UNC13C: variants seen among roughly 807,000 people sequenced by gnomAD.
The protein encoded by UNC13C is protein unc-13 homolog C.
Under a neutral mutation model 245.4 loss-of-function variants are expected in UNC13C, and 174 were observed. That is an observed-to-expected ratio of 0.71 (90% CI 0.63 to 0.80). The LOEUF is 0.80. Among genes scored for constraint, UNC13C ranks in the 30% least tolerant of loss-of-function variants. UNC13C has a pLI of 0.00. For missense variants in UNC13C, 2,829 were observed against 2,602.9 expected (o/e 1.09, Z -1.89); for synonymous variants, 992 against 895.1 (o/e 1.11, Z -1.93).
chr15:54,040,982 G>C lies in UNC13C; in HGVS notation c.2983+25096G>C, dbSNP rs1181358370. Among the ~76,000 whole-genome samples, 3 of 152,118 alleles carry C rather than the reference G, an allele frequency of 2.0e-5. No individual in the cohort carries two copies. In the East Asian group the frequency reaches 5.8e-4, roughly 29 times the overall value. ...CCCCTCACTCTGCTCTGTTCTCTTT[G>C]TAATTGCACTTAGCCTTTGAATTCA... On this transcript the variant is annotated intron_variant, in intron 2 of 32. Coordinates refer to ENST00000260323, the MANE Select transcript of UNC13C (RefSeq NM_001080534.3).
At position 54,059,726 on chromosome 15, in the gene UNC13C, G is replaced by T. The variant is rs151284419; in HGVS notation, c.2983+43840G>T. ...ACCTGACTTCAAACTATACTGCAAGGCTACAGTAATCAAAACAGCATGGTA... is the reference window on the plus strand; with the variant it reads ...ACCTGACTTCAAACTATACTGCAAGTCTACAGTAATCAAAACAGCATGGTA... On this transcript the variant is annotated intron_variant, in intron 2 of 32. Transcript: ENST00000260323. Among the ~76,000 whole-genome samples the T allele has an allele frequency of 3.7e-3, 562 of 152,188 alleles. 6 individuals are homozygous for T. The highest frequency in any genetic ancestry group is 0.013 in the African/African-American group (551 of 41,532).
At chr15:54,020,486 T>C (rs568951631) in intron 2 of UNC13C, among the ~76,000 whole-genome samples, 66 of 144,628 alleles carry the variant, frequency 4.6e-4, no homozygotes, top group Middle Eastern at 3.5e-3. Context: ...AGTTTCACCA[T>C]ATTATCCAGG....
chr15:54,061,718 A>G (rs1897844987), intron 2 of UNC13C, among the ~76,000 whole-genome samples: 1 of 152,104 alleles, frequency 6.6e-6, no homozygotes, highest in Non-Finnish European at 1.5e-5. Context: ...ATTCTATAAA[A>G]CCTTTTCGTG....
At chr15:54,246,123 G>A (rs770123276) in intron 7 of UNC13C, among the ~76,000 whole-genome samples, 4 of 152,156 alleles carry the variant, frequency 2.6e-5, no homozygotes, top group African/African-American at 7.2e-5. Context: ...TCTTCAGGTA[G>A]TAATCAATAG....
At chr15:54,346,209 C>A (rs745953387) in intron 17 of UNC13C, among the ~76,000 whole-genome samples, 1 of 151,794 alleles carries the variant, frequency 6.6e-6, no homozygotes, top group Admixed American at 6.6e-5. Context: ...GGTTGATAAA[C>A]GAAGTAATTA....
intron 16 of UNC13C, 76 bp downstream of exon 16, chr15:54,333,932 C>A: frequency 1.8e-6 from 2 of 1,088,638 alleles, no homozygotes; most frequent in Non-Finnish European, 2.7e-6. Context: ...CTTGCTTTAC[C>A]CTCCTCTTGA....
At chr15:53,923,722 C>T in the UNC13C span, among the ~76,000 whole-genome samples, 1 of 152,088 alleles carries the variant, frequency 6.6e-6, no homozygotes, top group South Asian at 2.1e-4. Context: ...GTGCTTCTTC[C>T]TTGGAATGGA....
the UNC13C span, among the ~76,000 whole-genome samples, chr15:53,901,376 T>C: frequency 6.6e-6 from 1 of 151,340 alleles, no homozygotes; most frequent in Non-Finnish European, 1.5e-5. Context: ...CCTGACACCA[T>C]GCCTAGCTAT....
chr15:53,892,832 G>C, the UNC13C span, among the ~76,000 whole-genome samples: 1 of 152,052 alleles, frequency 6.6e-6, no homozygotes, highest in African/African-American at 2.4e-5. Flanking sequence ...CTTTAGCTCA[G>C]AGGAGTTTGT....
In UNC13C at chr15:54,153,365, C is replaced by T. The variant is rs1315327475; in HGVS notation, c.3071+9681C>T. 3.3e-5 allele frequency among the ~76,000 whole-genome samples: 5 copies of T among 151,836 alleles called. 1 individual carries two copies. Among genetic ancestry groups the T allele is most frequent in the Admixed American group, 3.3e-4 (5 of 15,272 alleles). ...TTTGAAATATTGTAATATAACAGAC[C>T]CATATCTGAGCATTCTTTAGCATTA... On this transcript the variant is annotated intron_variant, in intron 4 of 32. Transcript: ENST00000260323.
At chr15:54,341,608 C>CAA (rs113165230) in intron 17 of UNC13C, among the ~76,000 whole-genome samples, 2 of 151,800 alleles carry the variant, frequency 1.3e-5, no homozygotes, top group Non-Finnish European at 2.9e-5. Context: ...TTCAGGAATA[C>CAA]AAAAAAATAT....
At position 54,101,716 on chromosome 15, in the gene UNC13C, G is replaced by A. The variant is rs537927725; in HGVS notation, c.2984-41302G>A. Among the ~76,000 whole-genome samples, 4 of 152,100 alleles carry A rather than the reference G, an allele frequency of 2.6e-5. No homozygotes were observed. The South Asian group carries it at 8.3e-4, about 32-fold the overall frequency. On this transcript the variant is annotated intron_variant, in intron 2 of 32. Transcript: ENST00000260323. ...CTGCTTCAGCCTCCTGAGTAGCTGG[G>A]ATTACAGGCAAGGCACGCACCACCG...
chr15:54,173,687 G>A (rs1054478648), intron 4 of UNC13C, among the ~76,000 whole-genome samples: 5 of 152,166 alleles, frequency 3.3e-5, no homozygotes, highest in African/African-American at 1.2e-4. Flanking sequence ...TTTCCAAAGT[G>A]TATGGGTTTT....
intron 30 of UNC13C, among the ~76,000 whole-genome samples, chr15:54,584,771 C>T (rs1898400594): frequency 6.6e-6 from 1 of 152,174 alleles, no homozygotes; most frequent in African/African-American, 2.4e-5. Flanking sequence ...CTCTCAGTGA[C>T]CCTATAAGGA....
intron 2 of UNC13C, among the ~76,000 whole-genome samples, chr15:54,116,901 T>C (rs752103324): frequency 6.6e-6 from 1 of 152,174 alleles, no homozygotes; most frequent in Non-Finnish European, 1.5e-5. Context: ...CAGTGTATGA[T>C]GGTTCCCCTT....
intron 4 of UNC13C, among the ~76,000 whole-genome samples, chr15:54,233,681 T>A (rs1376616570): frequency 6.6e-6 from 1 of 152,208 alleles, no homozygotes; most frequent in Non-Finnish European, 1.5e-5. Context: ...GAAAAATCCA[T>A]TAAGACTAAG....
intron 1 of UNC13C, among the ~76,000 whole-genome samples, chr15:54,006,617 G>A (rs1895148867): frequency 1.3e-5 from 2 of 152,102 alleles, no homozygotes; most frequent in South Asian, 4.1e-4. Context: ...TCCTTCATGT[G>A]GAAAGGATAT....
chr15:54,008,166 G>A (rs185889949), intron 1 of UNC13C, among the ~76,000 whole-genome samples: 1 of 152,234 alleles, frequency 6.6e-6, no homozygotes, highest in East Asian at 1.9e-4. Context: ...TCTTAAAAAT[G>A]AATATGTTAA....
chr15:54,259,308 G>A (rs1425507149), intron 8 of UNC13C, among the ~76,000 whole-genome samples: 1 of 152,204 alleles, frequency 6.6e-6, no homozygotes, highest in African/African-American at 2.4e-5. Context: ...ACATTTTCAG[G>A]CTGCTGATAA....
Sources: gnomAD v4.1 joint callset for allele counts (sites outside exome capture counted in the v4.1 genomes callset) on GRCh38, gnomAD v4.1.1 for gene constraint, MANE v1.5 for transcripts, NCBI Gene and HGNC (gene_info 2026-07-23, HGNC 2026-07-21) for gene names.